Variants in TNRC6B observed in about 807,000 individuals in gnomAD.
The protein encoded by TNRC6B is trinucleotide repeat containing adaptor 6B, also known as trinucleotide repeat-containing gene 6B protein.
Under a neutral mutation model 203.6 loss-of-function variants are expected in TNRC6B, and 52 were observed. That is an observed-to-expected ratio of 0.26 (90% confidence interval 0.20 to 0.32). The LOEUF is 0.32. TNRC6B is among the 10% of genes least tolerant of loss of function. TNRC6B has a pLI of 1.00. For missense variants in TNRC6B, 1,923 were observed against 2,286.2 expected (o/e 0.84, Z 3.24); for synonymous variants, 838 against 845.7 (o/e 0.99, Z 0.16).
intron 1 of TNRC6B, among the ~76,000 whole-genome samples, chr22:40,063,932 G>GGCTC (rs533227811): frequency 6.6e-6 from 1 of 151,992 alleles, no homozygotes; most frequent in Non-Finnish European, 1.5e-5. Flanking sequence ...CGAACTCCTG[G>GGCTC]GCTCGAGTGA....
intron 15 of TNRC6B, among the ~76,000 whole-genome samples, chr22:40,306,063 C>T (rs1251224505): frequency 1.3e-5 from 2 of 151,926 alleles, no homozygotes; most frequent in Admixed American, 6.6e-5. Flanking sequence ...GAGACCGAGG[C>T]GGGCGGCTCA....
At chr22:40,262,440 G>C (rs1327442881) in intron 4 of TNRC6B, among the ~76,000 whole-genome samples, 1 of 152,082 alleles carries the variant, frequency 6.6e-6, no homozygotes, top group Non-Finnish European at 1.5e-5. Flanking sequence ...TCTCAGACTA[G>C]AGTGTTACAA....
chr22:40,306,648 G>T (rs796904096), intron 15 of TNRC6B, among the ~76,000 whole-genome samples: 4 of 152,146 alleles, frequency 2.6e-5, no homozygotes, highest in African/African-American at 9.6e-5. Flanking sequence ...TGCTACCCAG[G>T]ATGAAAGAAA....
chr22:40,067,921 G>A (rs1298570033), intron 1 of TNRC6B, among the ~76,000 whole-genome samples: 3 of 152,110 alleles, frequency 2.0e-5, no homozygotes, highest in African/African-American at 7.3e-5. Flanking sequence ...CAGTCAAGTT[G>A]ATACCTAAAA....
At chr22:40,199,205 C>A (rs2069378330) in intron 1 of TNRC6B, among the ~76,000 whole-genome samples, 1 of 152,110 alleles carries the variant, frequency 6.6e-6, no homozygotes, top group South Asian at 2.1e-4. Context: ...ACAGCTTCAC[C>A]TACTTTGTAA....
chr22:40,276,225 T>C (rs2070642428), intron 7 of TNRC6B, among the ~76,000 whole-genome samples: 1 of 149,252 alleles, frequency 6.7e-6, no homozygotes, highest in African/African-American at 2.5e-5. Context: ...CGGGTGCCTG[T>C]AGTCCCAGCT....
At chr22:40,315,211 A>C in intron 19 of TNRC6B, 72 bp from the exon 20 acceptor site, 3 of 1,233,866 alleles carry the variant, frequency 2.4e-6, no homozygotes, top group Non-Finnish European at 3.5e-6. Flanking sequence ...TATGTAGATA[A>C]AACTCATGTG....
chr22:40,080,225 G>A (rs1275319256), intron 1 of TNRC6B, among the ~76,000 whole-genome samples: 1 of 150,350 alleles, frequency 6.7e-6, no homozygotes, highest in African/African-American at 2.5e-5. Flanking sequence ...TTGCAGGCAT[G>A]AGCTACCATG....
At chr22:40,139,138 C>A (rs1359469830) in intron 3 of TNRC6B, among the ~76,000 whole-genome samples, 1 of 152,058 alleles carries the variant, frequency 6.6e-6, no homozygotes, top group Admixed American at 6.5e-5. Context: ...ACTAATCTTT[C>A]CATCTCTACA....
At chr22:40,079,168 C>T (rs1018892938) in intron 1 of TNRC6B, among the ~76,000 whole-genome samples, 8 of 152,130 alleles carry the variant, frequency 5.3e-5, no homozygotes, top group Admixed American at 4.6e-4. Flanking sequence ...CTGCATTGGC[C>T]TCCCAAAGTG....
intron 7 of TNRC6B, 56 bp from the exon 8 acceptor site, chr22:40,277,021 C>T (rs2070653539): frequency 7.1e-7 from 1 of 1,409,368 alleles, no homozygotes; most frequent in East Asian, 2.4e-5. Context: ...ATTAATAAAA[C>T]TCAGGAGGCT....
At chr22:40,093,917 A>G (rs998878607) in intron 1 of TNRC6B, among the ~76,000 whole-genome samples, 1 of 151,664 alleles carries the variant, frequency 6.6e-6, no homozygotes, top group Non-Finnish European at 1.5e-5. Flanking sequence ...ATAGATAACA[A>G]TAATCTATTG....
intron 1 of TNRC6B, among the ~76,000 whole-genome samples, chr22:40,100,927 T>C (rs192577355): frequency 1.3e-5 from 2 of 152,140 alleles, no homozygotes; most frequent in African/African-American, 4.8e-5. Context: ...AGGGACATTG[T>C]GGAAGACATT....
intron 1 of TNRC6B, among the ~76,000 whole-genome samples, chr22:40,202,839 G>A (rs2069431582): frequency 6.6e-6 from 1 of 151,990 alleles, no homozygotes; most frequent in African/African-American, 2.4e-5. Flanking sequence ...TGCACTACTG[G>A]GTATCTCCAA....
chr22:40,056,294 C>T (rs990802115), intron 1 of TNRC6B, among the ~76,000 whole-genome samples: 3 of 152,200 alleles, frequency 2.0e-5, no homozygotes, highest in African/African-American at 7.2e-5. Context: ...GCTGATTACA[C>T]TCACAAGATG....
rs2069083795 is a variant in TNRC6B, at chr22:40,177,998, CAG to C, written c.-135_-134del. ...AGTTAGTTCAAGCCAAAATGGCCGA[CAG>C]AGTCTCTGCTGGTTTCTGAATATTT... is the stretch of plus-strand genomic sequence containing the variant. On this transcript the variant is annotated 5_prime_UTR_variant, in exon 1 of 23. An upstream open reading frame in the 5' UTR loses its in-frame stop. Transcript: ENST00000454349. The C allele has an allele frequency of 5.3e-6, 8 of 1,518,146 alleles. No homozygotes were observed. The East Asian group carries it at 1.2e-4, about 22-fold the overall frequency. The allele number at this position is 1,518,146 out of a possible 1,614,324, so 94.0% of individuals were successfully genotyped here. A position where few individuals can be genotyped will look rare whatever the true frequency, so the allele number is the denominator to read the frequency against.
chr22:40,239,397 T>C (rs1026249194), intron 1 of TNRC6B, among the ~76,000 whole-genome samples: 2 of 152,164 alleles, frequency 1.3e-5, no homozygotes, highest in African/African-American at 2.4e-5. Flanking sequence ...AGTACCGGTG[T>C]CATCTGCCTT....
chr22:40,140,899 C>T (rs1485397002), intron 3 of TNRC6B, among the ~76,000 whole-genome samples: 1 of 152,028 alleles, frequency 6.6e-6, no homozygotes, highest in Non-Finnish European at 1.5e-5. Flanking sequence ...CCTCAGCCTC[C>T]CAAAAGGCTG....
intron 1 of TNRC6B, among the ~76,000 whole-genome samples, chr22:40,091,746 T>A (rs2068152486): frequency 6.6e-6 from 1 of 151,992 alleles, no homozygotes; most frequent in Non-Finnish European, 1.5e-5. Flanking sequence ...AGTTAACTAT[T>A]TAAGCTGACG....
Sources: allele counts gnomAD v4.1 joint callset (sites outside exome capture counted in the v4.1 genomes callset), GRCh38; gene constraint gnomAD v4.1.1; transcripts MANE v1.5; gene names NCBI Gene and HGNC (gene_info 2026-07-23, HGNC 2026-07-21).